PPP6R3: variants seen among roughly 807,000 people sequenced by gnomAD.
PPP6R3 encodes serine/threonine-protein phosphatase 6 regulatory subunit 3.
In PPP6R3, 38 loss-of-function variants were observed where a neutral mutation model predicts 110.7. That is an observed-to-expected ratio of 0.34 (90% CI 0.26 to 0.45). PPP6R3 has a LOEUF of 0.45. PPP6R3 is among the 20% of genes least tolerant of loss of function. The probability of loss-of-function intolerance (pLI) is 1.00; values close to 1 mark genes in which losing one functional copy is unlikely to be tolerated. For synonymous variants in PPP6R3, 369 were observed against 373.5 expected, an observed-to-expected ratio of 0.99 and a Z score of 0.14; for missense variants, 870 against 1,062.4, an observed-to-expected ratio of 0.82 and a Z score of 2.52.
At chr11:68,514,174 C>T (rs1592329333) in intron 1 of PPP6R3, among the ~76,000 whole-genome samples, 1 of 152,174 alleles carries the variant, frequency 6.6e-6, no homozygotes, top group Non-Finnish European at 1.5e-5. Context: ...AAGTGACCCT[C>T]CTGCCTTAGC....
chr11:68,528,437 G>GT (rs1027928310), intron 2 of PPP6R3, among the ~76,000 whole-genome samples: 2 of 140,092 alleles, frequency 1.4e-5, no homozygotes, highest in East Asian at 2.2e-4. Flanking sequence ...TGTGTGTGGG[G>GT]GGGGGGGCTG....
In PPP6R3 at chr11:68,545,034, A is replaced by G. The variant is rs746972595; in HGVS notation, c.414+10A>G. On this transcript the variant is annotated intron_variant, in intron 4 of 23. Transcript: ENST00000393800. ...CAGAAAACCAGAACAGGTAAATATG[A>G]TTTTCCAAAAGGTAAGTATTAGGGC... The G allele has an allele frequency of 6.3e-7, 1 of 1,578,384 alleles. No homozygotes were observed. Among genetic ancestry groups the G allele is most frequent in the Non-Finnish European group, 8.7e-7 (1 of 1,148,960 alleles).
At chr11:68,537,608 A>G (rs890284308) in intron 2 of PPP6R3, 51 bp from the exon 3 acceptor site, 1 of 1,239,082 alleles carries the variant, frequency 8.1e-7, no homozygotes, top group Non-Finnish European at 1.1e-6. Context: ...ATTATGGAAA[A>G]TTAATTTGTA....
At chr11:68,469,413 T>G (rs987217530) in intron 1 of PPP6R3, among the ~76,000 whole-genome samples, 8 of 151,986 alleles carry the variant, frequency 5.3e-5, no homozygotes, top group African/African-American at 1.9e-4. Context: ...TTTTTTGAGA[T>G]AGAGTCCCAG....
chr11:68,573,679 T>G (rs2099519401), intron 12 of PPP6R3, among the ~76,000 whole-genome samples: 1 of 152,218 alleles, frequency 6.6e-6, no homozygotes, highest in Admixed American at 6.5e-5. Flanking sequence ...TGCTATCTTT[T>G]AAGAAAATGA....
intron 2 of PPP6R3, among the ~76,000 whole-genome samples, chr11:68,527,172 G>A (rs2099203309): frequency 6.6e-6 from 1 of 152,184 alleles, no homozygotes; most frequent in African/African-American, 2.4e-5. Context: ...TAGACTTGGA[G>A]GAGGCAGAAT....
At position 68,548,143 on chromosome 11, in the gene PPP6R3, A is replaced by G; in HGVS notation, c.491A>G (p.Asp164Gly). 6.2e-7 allele frequency: 1 copy of G among 1,614,140 alleles called. No homozygotes were observed. The highest frequency in any genetic ancestry group is 1.3e-5 in the African/African-American group (1 of 75,024). ...IKHIGTSAIM[D>G]LLLRLLTCIE... ...CACATAGGAACTTCTGCTATCATGGATTTGTTGCTCAGGCTCCTGACGTGT... is the reference window on the plus strand; with the variant it reads ...CACATAGGAACTTCTGCTATCATGGGTTTGTTGCTCAGGCTCCTGACGTGT... Residue 164 changes from aspartate to glycine, a missense_variant, in exon 5 of 24, where the codon GAT becomes GGT. Coordinates refer to ENST00000393800, the MANE Select transcript of PPP6R3 (RefSeq NM_001164161.2).
At chr11:68,485,923 A>T (rs2098944081) in intron 1 of PPP6R3, among the ~76,000 whole-genome samples, 1 of 151,848 alleles carries the variant, frequency 6.6e-6, no homozygotes, top group African/African-American at 2.4e-5. Flanking sequence ...TAATCTCAAC[A>T]CTTTGGGAGG....
chr11:68,487,352 AGGTTGCAGTGAGCTAT>A (rs138202266), intron 1 of PPP6R3, among the ~76,000 whole-genome samples: 152,146 of 152,150 alleles, frequency 1, 76,071 homozygotes, highest in Middle Eastern at 1. Flanking sequence ...CAGGAGTATG[AGGTTGCAGTGAGCTAT>A]GATCAGCCTG....
intron 1 of PPP6R3, among the ~76,000 whole-genome samples, chr11:68,502,978 CTG>C (rs2099055882): frequency 6.6e-6 from 1 of 151,994 alleles, no homozygotes; most frequent in African/African-American, 2.4e-5. Flanking sequence ...GAGTCTCACT[CTG>C]TTGCCCAGGC....
At position 68,613,400 on chromosome 11, in the gene PPP6R3, A is replaced by G; in HGVS notation, c.*283A>G. The stretch of plus-strand genomic sequence containing the variant: ...AATAAGATCTTGCCACCCATGTAAT[A>G]ATAGTAGTAATACTATAGTTAAAAT... On this transcript the variant is annotated 3_prime_UTR_variant, in exon 24 of 24. Transcript: ENST00000393800. The G allele has an allele frequency of 1.8e-6, 2 of 1,138,824 alleles. No individual in the cohort carries two copies. The highest frequency in any genetic ancestry group is 2.2e-6 in the Non-Finnish European group (2 of 927,536). 70.5% of individuals were successfully genotyped at this position (1,138,824 alleles called of 1,614,324 possible).
intron 20 of PPP6R3, among the ~76,000 whole-genome samples, chr11:68,601,627 C>G (rs1350696185): frequency 2.6e-5 from 4 of 152,180 alleles, no homozygotes; most frequent in Admixed American, 1.3e-4. Context: ...TTTACAAAGT[C>G]CCTGTCTTAC....
At chr11:68,542,795 A>G (rs551008933) in intron 3 of PPP6R3, among the ~76,000 whole-genome samples, 13 of 152,336 alleles carry the variant, frequency 8.5e-5, no homozygotes, top group African/African-American at 2.2e-4. Flanking sequence ...AACATTATGC[A>G]TGCTTCTTGA....
Position 68,567,050 on chromosome 11 carries a change from C to T in PPP6R3, c.1012C>T (p.Pro338Ser). 2 of 1,551,424 alleles carry T rather than the reference C, an allele frequency of 1.3e-6. No individual in the cohort carries two copies. The highest frequency in any genetic ancestry group is 1.7e-6 in the Non-Finnish European group (2 of 1,146,870). ...VMKTTWGVLD[P>S]PVGNTRLNVI... ...GAAGACCACATGGGGTGTGCTGGAT[C>T]CTCCTGTGGGGAATACCCGGTTGAA... The change falls in exon 10 of 24, where the codon CCT (proline) becomes TCT (serine). Residue 338 changes from proline to serine, a missense_variant. Physicochemically the swap from Pro to Ser is moderately conservative, Grantham distance 74. Coordinates refer to ENST00000393800, the MANE Select transcript of PPP6R3 (RefSeq NM_001164161.2).
chr11:68,603,948 A>G (rs1019043124), intron 22 of PPP6R3, among the ~76,000 whole-genome samples: 6 of 152,230 alleles, frequency 3.9e-5, no homozygotes, highest in Admixed American at 1.3e-4. Context: ...TGACCCTTAG[A>G]AATTCACTTC....
At position 68,581,018 on chromosome 11, in the gene PPP6R3, G is replaced by A. The variant is rs141610536; in HGVS notation, c.1546-2025G>A. On this transcript the variant is annotated intron_variant, in intron 14 of 23. Coordinates refer to ENST00000393800, the MANE Select transcript of PPP6R3 (RefSeq NM_001164161.2). ...GATCTCCTGACCTCGTGATCCGCCC[G>A]CCTCGGCCTCCCAAAGTGCTGGGAT... is the stretch of plus-strand genomic sequence containing the variant. Among the ~76,000 whole-genome samples, 1,901 of 146,032 alleles carry A rather than the reference G, an allele frequency of 0.013. 69 individuals are homozygous for A. In the East Asian group the frequency reaches 0.14, roughly 11 times the overall value.
At chr11:68,574,026 T>A (rs2153799439) in intron 12 of PPP6R3, 83 bp from the exon 13 acceptor site, 1 of 980,796 alleles carries the variant, frequency 1.0e-6, no homozygotes, top group East Asian at 2.4e-5. Context: ...AAAATGATTG[T>A]TTAAAAGTCC....
At chr11:68,464,851 T>C (rs490224) in intron 1 of PPP6R3, among the ~76,000 whole-genome samples, 147,765 of 151,968 alleles carry the variant, frequency 0.97, 71,944 homozygotes, top group East Asian at 1. Flanking sequence ...TGTCAGTCAG[T>C]GGTCAGGTCT....
chr11:68,543,836 G>T (rs949771613), intron 3 of PPP6R3, among the ~76,000 whole-genome samples: 1 of 152,174 alleles, frequency 6.6e-6, no homozygotes, highest in Non-Finnish European at 1.5e-5. Context: ...AAACAGACAC[G>T]AGATTGTCAT....
Sources: allele counts gnomAD v4.1 joint callset (sites outside exome capture counted in the v4.1 genomes callset), GRCh38; gene constraint gnomAD v4.1.1; transcripts MANE v1.5; gene names NCBI Gene and HGNC (gene_info 2026-07-23, HGNC 2026-07-21).